TOX: variants seen among roughly 807,000 people sequenced by gnomAD.
The protein encoded by TOX is thymocyte selection-associated high mobility group box protein TOX.
TOX carries 11 observed loss-of-function variants against 53.7 expected under a neutral mutation model. The ratio of observed to expected loss-of-function variants is 0.20; its 90% CI spans 0.13 to 0.34. TOX has a LOEUF of 0.34. Ranked by LOEUF, TOX falls within the 10% of genes least tolerant of loss-of-function variation. The pLI is 1.00. For synonymous variants in TOX, 225 were observed against 245.3 expected (o/e 0.92, Z 0.77); for missense variants, 570 against 664.6 (o/e 0.86, Z 1.56).
chr8:58,992,478 C>T (rs1813473935), intron 1 of TOX, among the ~76,000 whole-genome samples: 1 of 152,006 alleles, frequency 6.6e-6, no homozygotes, highest in African/African-American at 2.4e-5. Flanking sequence ...TTTTAGGTGC[C>T]CAACATTATT....
At chr8:59,019,207 T>C (rs1343245201) in intron 1 of TOX, among the ~76,000 whole-genome samples, 1 of 152,166 alleles carries the variant, frequency 6.6e-6, no homozygotes, top group African/African-American at 2.4e-5. Flanking sequence ...TTTCCTAAAA[T>C]TGAGGGATAA....
At chr8:58,887,608 T>C (rs559864214) in intron 3 of TOX, among the ~76,000 whole-genome samples, 1 of 152,006 alleles carries the variant, frequency 6.6e-6, no homozygotes, top group African/African-American at 2.4e-5. Context: ...TTTTATATAG[T>C]CTGTGCTTTG....
intron 1 of TOX, among the ~76,000 whole-genome samples, chr8:59,104,970 A>G (rs750937812): frequency 6.6e-6 from 1 of 152,184 alleles, no homozygotes; most frequent in Non-Finnish European, 1.5e-5. Context: ...AGGGTTCACG[A>G]CTTATTCATC....
At chr8:58,820,641 G>A (rs1158628441) in intron 6 of TOX, among the ~76,000 whole-genome samples, 4 of 152,184 alleles carry the variant, frequency 2.6e-5, no homozygotes, top group Non-Finnish European at 5.9e-5. Flanking sequence ...CCAAGTCTGC[G>A]GGTTATATCT....
rs1229478485 is a variant in TOX at position 58,939,311 on chromosome 8, G to T, written c.402C>A (p.Ser134=). The T allele has an allele frequency of 6.2e-7, 1 of 1,613,884 alleles. No individual in the cohort carries two copies. The highest frequency in any genetic ancestry group is 1.1e-5 in the South Asian group (1 of 91,074). The change falls in exon 3 of 9, where the codon TCC becomes TCA. Residue 134 remains serine, a synonymous_variant. Transcript: ENST00000361421. Reference sequence around the variant, plus strand: ...GTAAGCAGATTCTTACCACAGAAATGGAATTAGAAAGCAGTGTTCCATCCT... The same window carrying T: ...GTAAGCAGATTCTTACCACAGAAATTGAATTAGAAAGCAGTGTTCCATCCT... The part of the protein sequence containing the change: ...LGQDGTLLSN[S]ISVMPDIRNP...
intron 1 of TOX, among the ~76,000 whole-genome samples, chr8:59,083,532 T>A (rs1190976287): frequency 6.6e-6 from 1 of 152,222 alleles, no homozygotes; most frequent in Non-Finnish European, 1.5e-5. Flanking sequence ...ATATTTATAA[T>A]AAGAGTGCTT....
intron 3 of TOX, among the ~76,000 whole-genome samples, chr8:58,933,593 C>G (rs1812295814): frequency 6.6e-6 from 1 of 152,014 alleles, no homozygotes; most frequent in South Asian, 2.1e-4. Flanking sequence ...AGTTAAAACA[C>G]TGAGACAGCC....
chr8:59,033,673 A>T (rs990195805), intron 1 of TOX, among the ~76,000 whole-genome samples: 1 of 152,228 alleles, frequency 6.6e-6, no homozygotes, highest in African/African-American at 2.4e-5. Context: ...TCTATCACCA[A>T]GAAAAGTGGT....
intron 4 of TOX, among the ~76,000 whole-genome samples, chr8:58,846,442 T>A (rs984627559): frequency 6.6e-6 from 1 of 152,130 alleles, no homozygotes; most frequent in South Asian, 2.1e-4. Context: ...TAACACTGTT[T>A]GATTTCACTT....
intron 3 of TOX, among the ~76,000 whole-genome samples, chr8:58,900,447 CA>C (rs545529631): frequency 2.0e-5 from 3 of 151,210 alleles, no homozygotes. Flanking sequence ...GATGAGTAGC[CA>C]AAAAAAATCA....
intron 3 of TOX, among the ~76,000 whole-genome samples, chr8:58,928,860 G>T (rs186285717): frequency 1.3e-5 from 2 of 152,036 alleles, no homozygotes; most frequent in African/African-American, 4.8e-5. Context: ...ACATCTACTG[G>T]TTAACACAGA....
At chr8:58,940,385 G>A (rs12543935) in intron 2 of TOX, among the ~76,000 whole-genome samples, 44,442 of 151,554 alleles carry the variant, frequency 0.29, 6,936 homozygotes, top group East Asian at 0.4. Flanking sequence ...AATAGAAAGG[G>A]AGGGAGGGGA....
intron 3 of TOX, among the ~76,000 whole-genome samples, chr8:58,906,575 T>C (rs1207378298): frequency 6.6e-6 from 1 of 152,188 alleles, no homozygotes; most frequent in Non-Finnish European, 1.5e-5. Context: ...TTTAAAACCA[T>C]AAGATAAAAA....
intron 1 of TOX, among the ~76,000 whole-genome samples, chr8:59,005,719 T>C (rs1030890015): frequency 6.6e-6 from 1 of 152,250 alleles, no homozygotes; most frequent in African/African-American, 2.4e-5. Flanking sequence ...TCTAGAATGA[T>C]AGATTTGCTC....
chr8:58,934,289 A>G (rs890663274), intron 3 of TOX, among the ~76,000 whole-genome samples: 2 of 152,200 alleles, frequency 1.3e-5, no homozygotes, highest in Non-Finnish European at 2.9e-5. Context: ...GGCACAGACA[A>G]GAAAATGCAA....
intron 5 of TOX, among the ~76,000 whole-genome samples, chr8:58,827,776 A>C (rs987480294): frequency 1.7e-4 from 26 of 152,254 alleles, no homozygotes; most frequent in African/African-American, 5.8e-4. Context: ...CAGTCATTAG[A>C]GTTGAAAATG....
chr8:59,020,357 C>T (rs1287363666), intron 1 of TOX, among the ~76,000 whole-genome samples: 3 of 152,132 alleles, frequency 2.0e-5, no homozygotes, highest in Non-Finnish European at 1.5e-5. Flanking sequence ...CCATGATGTC[C>T]CACCCGCTGT....
At chr8:58,840,378 A>G (rs1293997880) in intron 4 of TOX, among the ~76,000 whole-genome samples, 3 of 152,198 alleles carry the variant, frequency 2.0e-5, no homozygotes, top group Non-Finnish European at 4.4e-5. Flanking sequence ...ACTGGCCACC[A>G]TGTAAATCTG....
rs1407891117 is a variant in TOX at position 58,848,301 on chromosome 8, TAAA to T, written c.693+3220_693+3222del. 3.3e-5 allele frequency among the ~76,000 whole-genome samples: 5 copies of T among 151,914 alleles called. No individual in the cohort carries two copies. In the East Asian group the frequency reaches 7.7e-4, roughly 23 times the overall value. ...GTAATGAGAAAAATAAGAGCAATCT[TAAA>T]GAAGATGAGGAAAAAAAAGAAACAT... On this transcript the variant is annotated intron_variant, in intron 4 of 8. Transcript: ENST00000361421.
Sources: allele counts gnomAD v4.1 joint callset (sites outside exome capture counted in the v4.1 genomes callset), GRCh38; gene constraint gnomAD v4.1.1; transcripts MANE v1.5; gene names NCBI Gene and HGNC (gene_info 2026-07-23, HGNC 2026-07-21).